PALLD: variants seen among roughly 807,000 people sequenced by gnomAD.
PALLD encodes palladin.
Under a neutral mutation model 123.5 loss-of-function variants are expected in PALLD, and 61 were observed. That is an observed-to-expected ratio of 0.49 (90% confidence interval 0.40 to 0.61). PALLD has a LOEUF of 0.61. Ranked by LOEUF, PALLD falls within the 20% of genes least tolerant of loss-of-function variation. The probability of loss-of-function intolerance (pLI) is 0.00; values close to 1 mark genes in which losing one functional copy is unlikely to be tolerated. For synonymous variants in PALLD, 465 were observed against 496.4 expected, an observed-to-expected ratio of 0.94 and a Z score of 0.84; for missense variants, 1,273 against 1,377.0, an observed-to-expected ratio of 0.92 and a Z score of 1.20.
Position 168,925,213 on chromosome 4 carries a change from CT to C in PALLD, c.3359-19del, listed in dbSNP as rs1762342607. ...TTGTCAAAAAAATTCATATTGCTCTCTCTCTCTTTCTATTTGTAGTTTCTCG... is the reference window on the plus strand; with the variant it reads ...TTGTCAAAAAAATTCATATTGCTCTCCTCTCTTTCTATTTGTAGTTTCTCG... On this transcript the variant is annotated intron_variant, in intron 20 of 21. Coordinates refer to ENST00000505667, the MANE Select transcript of PALLD (RefSeq NM_001166108.2). The C allele has an allele frequency of 7.5e-6, 12 of 1,598,512 alleles. No homozygotes were observed. The highest frequency in any genetic ancestry group is 1.0e-5 in the Non-Finnish European group (12 of 1,165,900).
chr4:168,815,937 TGA>T (rs1213835505), intron 10 of PALLD, among the ~76,000 whole-genome samples: 11 of 152,216 alleles, frequency 7.2e-5, no homozygotes, highest in Admixed American at 2.6e-4. Context: ...ATTTTTCAGT[TGA>T]GTTAGACAAG....
intron 2 of PALLD, among the ~76,000 whole-genome samples, chr4:168,521,932 G>T (rs1375201769): frequency 6.6e-6 from 1 of 151,992 alleles, no homozygotes; most frequent in Non-Finnish European, 1.5e-5. Context: ...GCAGGGTATG[G>T]GATCAAAGCC....
intron 8 of PALLD, among the ~76,000 whole-genome samples, chr4:168,704,917 A>C (rs1289096939): frequency 6.6e-6 from 1 of 151,724 alleles, no homozygotes; most frequent in African/African-American, 2.4e-5. Context: ...ATATTTGGTC[A>C]ATTTTTTAAA....
At chr4:168,587,625 C>T (rs1770968393) in intron 2 of PALLD, among the ~76,000 whole-genome samples, 2 of 152,154 alleles carry the variant, frequency 1.3e-5, no homozygotes, top group African/African-American at 4.8e-5. Flanking sequence ...TTGCCTTGTG[C>T]ATGGCTAAGG....
chr4:168,588,165 G>T (rs955911077), intron 2 of PALLD, among the ~76,000 whole-genome samples: 1 of 152,032 alleles, frequency 6.6e-6, no homozygotes, highest in African/African-American at 2.4e-5. Flanking sequence ...CTTCTCCCTT[G>T]ACCCCATTCC....
intron 2 of PALLD, among the ~76,000 whole-genome samples, chr4:168,525,690 T>G (rs1580133016): frequency 6.6e-6 from 1 of 152,188 alleles, no homozygotes. Context: ...ATGGTATACC[T>G]CAAATTAAAG....
chr4:168,924,896 G>A (rs1464819570), intron 19 of PALLD, 49 bp from the exon 20 acceptor site: 1 of 1,606,288 alleles, frequency 6.2e-7, no homozygotes, highest in Non-Finnish European at 8.5e-7. Flanking sequence ...CATGTCCAAA[G>A]CCACTTTTAA....
chr4:168,774,727 C>CAAAAAAAAAAAA lies in PALLD; in HGVS notation c.1964+62812_1964+62823dup, dbSNP rs56364164. ...TGGGAAACAGAGCAAGACTGCATCT[C>CAAAAAAAAAAAA]AAAAAAAAAAAAAAAAAAAGATAGC... On this transcript the variant is annotated intron_variant, in intron 10 of 21. Transcript: ENST00000505667. Among the ~76,000 whole-genome samples, 42 of 73,186 alleles carry CAAAAAAAAAAAA rather than the reference C, an allele frequency of 5.7e-4. 2 individuals are homozygous for CAAAAAAAAAAAA. Among genetic ancestry groups the CAAAAAAAAAAAA allele is most frequent in the East Asian group, 1.2e-3 (3 of 2,408 alleles). The allele number at this position is 73,186 out of a possible 152,430, so 48.0% of individuals were successfully genotyped here. A position where few individuals can be genotyped will look rare whatever the true frequency, so the allele number is the denominator to read the frequency against.
intron 2 of PALLD, among the ~76,000 whole-genome samples, chr4:168,644,682 C>T (rs1777271052): frequency 6.6e-6 from 1 of 152,166 alleles, no homozygotes; most frequent in Non-Finnish European, 1.5e-5. Flanking sequence ...ATCCTGGACA[C>T]CATCATTCGT....
chr4:168,741,548 G>C (rs1788341381), intron 10 of PALLD, among the ~76,000 whole-genome samples: 1 of 152,062 alleles, frequency 6.6e-6, no homozygotes, highest in Admixed American at 6.6e-5. Context: ...TAGCCGGCAT[G>C]GTGGCTCATG....
At position 168,544,378 on chromosome 4, in the gene PALLD, T is replaced by C. The variant is rs116832496; in HGVS notation, c.908+31966T>C. On this transcript the variant is annotated intron_variant, in intron 2 of 21. Transcript: ENST00000505667. ...TGCTGTCTTGCCTTGAGTAGTATAA[T>C]ATTGCAGCATAGCTCATGGTCCTGG... is the stretch of plus-strand genomic sequence containing the variant. Among the ~76,000 whole-genome samples, 1,235 of 152,362 alleles carry C rather than the reference T, an allele frequency of 8.1e-3. 7 individuals carry two copies. The highest frequency in any genetic ancestry group is 0.013 in the Non-Finnish European group (858 of 68,040).
At chr4:168,879,707 T>G (rs1159878657) in intron 10 of PALLD, among the ~76,000 whole-genome samples, 2 of 152,242 alleles carry the variant, frequency 1.3e-5, no homozygotes, top group Admixed American at 1.3e-4. Context: ...AAATGTGGCT[T>G]CTTCTCAAAT....
chr4:168,508,923 T>C (rs529855280), intron 1 of PALLD, among the ~76,000 whole-genome samples: 1 of 152,112 alleles, frequency 6.6e-6, no homozygotes, highest in African/African-American at 2.4e-5. Flanking sequence ...CCAATTGTAC[T>C]TCAGAGCTCA....
At chr4:168,624,965 T>C (rs1336853973) in intron 2 of PALLD, among the ~76,000 whole-genome samples, 1 of 152,100 alleles carries the variant, frequency 6.6e-6, no homozygotes, top group African/African-American at 2.4e-5. Context: ...CTTGATAACA[T>C]GAAGAAGTCA....
chr4:168,700,917 T>C (rs1260651152), intron 8 of PALLD: 2 of 152,168 alleles, frequency 1.3e-5, no homozygotes, highest in Non-Finnish European at 2.9e-5. Context: ...TTTATTTGAT[T>C]TTGTGATTGT....
intron 10 of PALLD, among the ~76,000 whole-genome samples, chr4:168,838,503 T>C: frequency 6.6e-6 from 1 of 151,802 alleles, no homozygotes; most frequent in Non-Finnish European, 1.5e-5. Context: ...AGGAGAGAGA[T>C]GTGAAACAGT....
At chr4:168,840,106 AT>A (rs556506917) in intron 10 of PALLD, among the ~76,000 whole-genome samples, 98 of 149,950 alleles carry the variant, frequency 6.5e-4, no homozygotes, top group African/African-American at 2.2e-3. Context: ...GAAGATGTAG[AT>A]TTTTTTTAAA....
intron 2 of PALLD, among the ~76,000 whole-genome samples, chr4:168,633,885 G>C (rs2723697): frequency 0.21 from 31,799 of 152,020 alleles, 4,577 homozygotes; most frequent in African/African-American, 0.42. Context: ...TGCCTAAAGG[G>C]ACATCCAATA....
intron 2 of PALLD, chr4:168,537,929 T>A (rs548213619): frequency 6.6e-6 from 1 of 152,368 alleles, no homozygotes; most frequent in South Asian, 2.1e-4. Flanking sequence ...CACATTCATG[T>A]TTAACCTGTT....
Sources: allele counts gnomAD v4.1 joint callset (sites outside exome capture counted in the v4.1 genomes callset), GRCh38; gene constraint gnomAD v4.1.1; transcripts MANE v1.5; gene names NCBI Gene and HGNC (gene_info 2026-07-23, HGNC 2026-07-21).